PRKACB: variants seen among roughly 807,000 people sequenced by gnomAD.
The protein encoded by PRKACB is cAMP-dependent protein kinase catalytic subunit beta.
Under a neutral mutation model 51.4 loss-of-function variants are expected in PRKACB, and 16 were observed. The ratio of observed to expected loss-of-function variants is 0.31; its 90% CI spans 0.21 to 0.47. The LOEUF (loss-of-function observed/expected upper bound fraction) is 0.47. Ranked by LOEUF, PRKACB falls within the 20% of genes least tolerant of loss-of-function variation. The pLI, the probability that PRKACB is intolerant of heterozygous loss-of-function variation, is 1.00. For synonymous variants in PRKACB, 147 were observed against 154.4 expected, an observed-to-expected ratio of 0.95 and a Z score of 0.35; for missense variants, 309 against 464.5, an observed-to-expected ratio of 0.67 and a Z score of 3.08.
chr1:84,197,335 G>A (rs1426538119), intron 6 of PRKACB, among the ~76,000 whole-genome samples: 1 of 152,086 alleles, frequency 6.6e-6, no homozygotes, highest in Non-Finnish European at 1.5e-5. Context: ...TCCCATTGAC[G>A]TTTTTACACT....
chr1:84,154,336 C>T (rs1655190966), intron 1 of PRKACB, among the ~76,000 whole-genome samples: 4 of 151,956 alleles, frequency 2.6e-5, no homozygotes, highest in African/African-American at 4.8e-5. Context: ...TTCACTCTGT[C>T]GACTGTTTTC....
chr1:84,164,240 T>A (rs1420368059), intron 1 of PRKACB: 3 of 1,433,128 alleles, frequency 2.1e-6, no homozygotes, highest in African/African-American at 1.4e-5. Flanking sequence ...TTCTGGCTCA[T>A]GAAAAATGAA....
chr1:84,182,901 G>A (rs757090034), intron 3 of PRKACB, among the ~76,000 whole-genome samples: 3 of 151,970 alleles, frequency 2.0e-5, no homozygotes, highest in Non-Finnish European at 1.5e-5. Context: ...GTTAAAATGT[G>A]TACAGTAGTG....
In PRKACB at chr1:84,235,310, G is replaced by A. The variant is rs1676560204; in HGVS notation, c.*5G>A. ...AAAGAATTTGGTGAATTTTAAAGAG[G>A]AACAAGATGACATCTGAGCTCACAC... On this transcript the variant is annotated 3_prime_UTR_variant, in exon 10 of 10. Transcript: ENST00000370685. 5.6e-6 allele frequency: 9 copies of A among 1,613,932 alleles called. No individual in the cohort carries two copies. Among genetic ancestry groups the A allele is most frequent in the Admixed American group, 5.0e-5 (3 of 60,008 alleles).
chr1:84,093,430 G>A (rs1190821145), intron 1 of PRKACB, among the ~76,000 whole-genome samples: 2 of 151,972 alleles, frequency 1.3e-5, no homozygotes, highest in Non-Finnish European at 2.9e-5. Flanking sequence ...TGTTATCAAA[G>A]GCTGAATATA....
In PRKACB at chr1:84,232,759, T is replaced by G. The variant is rs898737790; in HGVS notation, c.1072-2421T>G. Among the ~76,000 whole-genome samples, 7 of 152,274 alleles carry G rather than the reference T, an allele frequency of 4.6e-5. 1 individual carries two copies. The highest frequency in any genetic ancestry group is 1.5e-5 in the Non-Finnish European group (1 of 68,018). On this transcript the variant is annotated intron_variant, in intron 9 of 9. Transcript: ENST00000370685. ...CCCCTGCCTTTTTTTGTTTTCCATT[T>G]GCTTGGTAGATCTTCCTCCATCCTT...
intron 1 of PRKACB, among the ~76,000 whole-genome samples, chr1:84,129,897 A>G (rs1651999931): frequency 6.6e-6 from 1 of 152,260 alleles, no homozygotes; most frequent in Non-Finnish European, 1.5e-5. Context: ...TCAGAATTCC[A>G]GAACTGTACA....
intron 1 of PRKACB, 63 bp downstream of exon 1, chr1:84,144,611 C>A: frequency 6.9e-7 from 1 of 1,451,384 alleles, no homozygotes; most frequent in Non-Finnish European, 9.3e-7. Context: ...TGGAGTTTTA[C>A]AATCAAACAT....
intron 1 of PRKACB, among the ~76,000 whole-genome samples, chr1:84,154,738 C>T (rs1338495660): frequency 1.3e-5 from 2 of 152,010 alleles, no homozygotes; most frequent in Admixed American, 6.6e-5. Flanking sequence ...TCAACATACA[C>T]AAATCAACAT....
chr1:84,136,392 A>C (rs1652810843), intron 1 of PRKACB, among the ~76,000 whole-genome samples: 1 of 152,102 alleles, frequency 6.6e-6, no homozygotes, highest in Admixed American at 6.5e-5. Context: ...AAAGATATAG[A>C]TGTCAAATAA....
chr1:84,202,765 A>G lies in PRKACB; in HGVS notation c.866A>G (p.Asp289Gly). Residue 289 changes from aspartate (D) to glycine (G), a missense_variant, in exon 8 of 10, where the codon GAC becomes GGC. Asp to Gly is a moderately conservative substitution (Grantham distance 94). Transcript: ENST00000370685. ...GCTGGCTATCCCCCATTCTTTGCAG[A>G]CCAACCAATTCAGATTTATGAAAAG... is the stretch of plus-strand genomic sequence containing the variant. ...MAAGYPPFFA[D>G]QPIQIYEKIV... The G allele has an allele frequency of 6.2e-7, 1 of 1,609,204 alleles. No individual in the cohort carries two copies. Among genetic ancestry groups the G allele is most frequent in the Non-Finnish European group, 8.5e-7 (1 of 1,176,084 alleles).
intron 2 of PRKACB, among the ~76,000 whole-genome samples, chr1:84,181,024 T>C (rs1663257866): frequency 6.6e-6 from 1 of 152,014 alleles, no homozygotes; most frequent in African/African-American, 2.4e-5. Context: ...TCTGTGTTGA[T>C]AAAAAAATCT....
chr1:84,195,828 G>A (rs562134151), intron 5 of PRKACB, among the ~76,000 whole-genome samples: 2 of 151,736 alleles, frequency 1.3e-5, no homozygotes, highest in East Asian at 1.9e-4. Flanking sequence ...CAGAAGAATC[G>A]CTTGAACCCA....
chr1:84,101,708 G>T (rs1049551117), intron 1 of PRKACB, among the ~76,000 whole-genome samples: 1 of 152,168 alleles, frequency 6.6e-6, no homozygotes, highest in Admixed American at 6.5e-5. Flanking sequence ...CCAATAAACC[G>T]ATGTTGAAGC....
intron 9 of PRKACB, among the ~76,000 whole-genome samples, chr1:84,233,148 T>G (rs1382595813): frequency 1.3e-5 from 2 of 152,030 alleles, no homozygotes; most frequent in East Asian, 3.9e-4. Flanking sequence ...GTCTGTAAAG[T>G]ATTTTATTTC....
At chr1:84,142,296 G>A (rs183638680), upstream of PRKACB, among the ~76,000 whole-genome samples, 13 of 152,204 alleles carry the variant, frequency 8.5e-5, no homozygotes, top group African/African-American at 3.1e-4. Flanking sequence ...GAAGTATGTG[G>A]CAGACTTCAC....
At chr1:84,181,696 G>A (rs1456020305) in intron 2 of PRKACB, 1 of 1,524,030 alleles carries the variant, frequency 6.6e-7, no homozygotes, top group Admixed American at 2.0e-5. Context: ...CTTATATAAA[G>A]ACAGAAATGA....
intron 1 of PRKACB, chr1:84,175,723 A>C: frequency 7.3e-7 from 1 of 1,370,130 alleles, no homozygotes; most frequent in Non-Finnish European, 9.9e-7. Context: ...AATGCATAAA[A>C]ATTGTCTCTC....
intron 1 of PRKACB, among the ~76,000 whole-genome samples, chr1:84,170,924 G>T (rs941253642): frequency 6.6e-6 from 1 of 151,318 alleles, no homozygotes; most frequent in Non-Finnish European, 1.5e-5. Context: ...GGAATATGTA[G>T]AACACTTACA....
Sources: allele counts gnomAD v4.1 joint callset (sites outside exome capture counted in the v4.1 genomes callset), GRCh38; gene constraint gnomAD v4.1.1; transcripts MANE v1.5; gene names NCBI Gene and HGNC (gene_info 2026-07-23, HGNC 2026-07-21).